NFATC1: variants seen among roughly 807,000 people sequenced by gnomAD.
NFATC1 encodes nuclear factor of activated T cells 1.
Under a neutral mutation model 76.0 loss-of-function variants are expected in NFATC1, and 22 were observed. The observed-to-expected ratio is 0.29, with a 90% CI of 0.21 to 0.41. NFATC1 has a LOEUF of 0.41. Among genes scored for constraint, NFATC1 ranks in the 10% least tolerant of loss-of-function variants. The pLI is 1.00. For synonymous variants in NFATC1, 704 were observed against 613.1 expected, an observed-to-expected ratio of 1.15 and a Z score of -2.19; for missense variants, 1,357 against 1,337.7, an observed-to-expected ratio of 1.01 and a Z score of -0.23.
chr18:79,511,078 T>C (rs1344570805), intron 9 of NFATC1, among the ~76,000 whole-genome samples: 1 of 152,180 alleles, frequency 6.6e-6, no homozygotes, highest in Non-Finnish European at 1.5e-5. Flanking sequence ...GCTGATTCGA[T>C]TTAGAGCTAA....
Position 79,449,059 on chromosome 18 carries a change from G to A in NFATC1, c.1589+75G>A, listed in dbSNP as rs974508201. 5 of 1,484,562 alleles carry A rather than the reference G, an allele frequency of 3.4e-6. No individual in the cohort carries two copies. The Admixed American group carries it at 7.8e-5, about 23-fold the overall frequency. 92.0% of individuals were successfully genotyped at this position (1,484,562 alleles called of 1,614,324 possible). Reference sequence around the variant, plus strand: ...CGTGCCTCCCTCCCAGTCCCGGGGGGTCTGGCCAGCCCCCCGCACTTCCAG... The same window carrying A: ...CGTGCCTCCCTCCCAGTCCCGGGGGATCTGGCCAGCCCCCCGCACTTCCAG... On this transcript the variant is annotated intron_variant, in intron 4 of 9. Coordinates refer to ENST00000427363, the MANE Select transcript of NFATC1 (RefSeq NM_001278669.2).
chr18:79,475,298 CGTT>C (rs200838058), intron 8 of NFATC1, among the ~76,000 whole-genome samples: 3 of 149,348 alleles, frequency 2.0e-5, no homozygotes, highest in East Asian at 2.0e-4. Flanking sequence ...TCACTGTCAA[CGTT>C]GTAAACCTGA....
rs531281460 is a variant in NFATC1, at chr18:79,450,608, G to A, written c.1590-346G>A. ...ATACGTGGCCAGCGTGGGCCCTGGA[G>A]GCAGCCAGGACTTGGGACAGCTCCG... On this transcript the variant is annotated intron_variant, in intron 4 of 9. Coordinates refer to ENST00000427363, the MANE Select transcript of NFATC1 (RefSeq NM_001278669.2). 1.4e-4 allele frequency among the ~76,000 whole-genome samples: 22 copies of A among 152,296 alleles called. No individual in the cohort carries two copies. The South Asian group carries it at 4.6e-3, about 32-fold the overall frequency.
Position 79,524,197 on chromosome 18 carries a change from C to G in NFATC1, c.2783-3331C>G, listed in dbSNP as rs1420196936. ...TGGGGGGGCGGTCCTGTCTTTCAGC[C>G]CAGCGCCAGCGAGCCACATGGCCTC... is the stretch of plus-strand genomic sequence containing the variant. On this transcript the variant is annotated intron_variant, in intron 9 of 9. Transcript: ENST00000427363. The surrounding 1 kb of genome is among the most constrained non-coding windows in gnomAD (Gnocchi z 7.2). 1.3e-5 allele frequency among the ~76,000 whole-genome samples: 2 copies of G among 152,150 alleles called. No individual in the cohort carries two copies. The highest frequency in any genetic ancestry group is 2.9e-5 in the Non-Finnish European group (2 of 68,028).
Position 79,410,559 on chromosome 18 carries a change from G to C in NFATC1, c.284G>C (p.Gly95Ala). The C allele has an allele frequency of 6.2e-7, 1 of 1,611,606 alleles. No homozygotes were observed. The highest frequency in any genetic ancestry group is 8.5e-7 in the Non-Finnish European group (1 of 1,179,984). ...TCGGGGTACGGAGCAGCTTTGGACG[G>C]TGGGCCCGCGGGCTACTTCCTCTCC... ...HPSGYGAALD[G>A]GPAGYFLSSG... is the part of the protein sequence containing the mutation. Residue 95 changes from glycine to alanine, a missense_variant, in exon 2 of 10, where the codon GGT becomes GCT. Gly to Ala is a moderately conservative substitution (Grantham distance 60). This residue lies in a region of NFATC1 where 691 missense variants were observed against 613.1 expected (regional missense o/e 1.13). Coordinates refer to ENST00000427363, the MANE Select transcript of NFATC1 (RefSeq NM_001278669.2). The surrounding 1 kb of genome is among the most constrained non-coding windows in gnomAD (Gnocchi z 6.7).
chr18:79,452,953 G>C (rs960476298), intron 6 of NFATC1, among the ~76,000 whole-genome samples: 1 of 152,238 alleles, frequency 6.6e-6, no homozygotes, highest in African/African-American at 2.4e-5. Context: ...CAGTTTGCCG[G>C]AAACTTAAGT....
intron 9 of NFATC1, among the ~76,000 whole-genome samples, chr18:79,492,303 G>A (rs1236898044): frequency 1.3e-5 from 2 of 152,256 alleles, no homozygotes; most frequent in South Asian, 2.1e-4. Context: ...AATGAGGCTG[G>A]GCACGGTGGC....
At chr18:79,421,956 T>G (rs968827592) in intron 2 of NFATC1, 1 of 152,272 alleles carries the variant, frequency 6.6e-6, no homozygotes, top group African/African-American at 2.4e-5. Flanking sequence ...TTTGGCAACA[T>G]CCAGGACAGG....
rs767725943 is a variant in NFATC1, at chr18:79,410,724, G to A, written c.449G>A (p.Arg150Gln). ...GAAGACGTCCTCCCTAGCTCCAAACGGTCCCCCTCCACGGCCACGCTGAGT... is the reference window on the plus strand; with the variant it reads ...GAAGACGTCCTCCCTAGCTCCAAACAGTCCCCCTCCACGGCCACGCTGAGT... ...EVEDVLPSSK[R>Q]SPSTATLSLP... Residue 150 changes from arginine (R) to glutamine (Q), a missense_variant, in exon 2 of 10, where the codon CGG becomes CAG. Physicochemically the swap from Arg to Gln is conservative, Grantham distance 43 (BLOSUM62 1). This residue lies in a region of NFATC1 where 691 missense variants were observed against 613.1 expected (regional missense o/e 1.13). Transcript: ENST00000427363. The surrounding 1 kb of genome is among the most constrained non-coding windows in gnomAD (Gnocchi z 6.7). The A allele has an allele frequency of 5.0e-6, 8 of 1,612,988 alleles. No individual in the cohort carries two copies. The highest frequency in any genetic ancestry group is 4.5e-5 in the East Asian group (2 of 44,866).
At chr18:79,499,828 A>G (rs1002009134) in intron 9 of NFATC1, among the ~76,000 whole-genome samples, 1 of 152,316 alleles carries the variant, frequency 6.6e-6, no homozygotes, top group East Asian at 1.9e-4. Flanking sequence ...GAGTAGCTAC[A>G]CTAATATCAG....
chr18:79,503,040 T>G lies in NFATC1; in HGVS notation c.2782+16103T>G, dbSNP rs2090046568. Among the ~76,000 whole-genome samples, 3 of 152,230 alleles carry G rather than the reference T, an allele frequency of 2.0e-5. No homozygotes were observed. The South Asian group carries it at 6.2e-4, about 31-fold the overall frequency. ...TACATGACTGTCCTTCACAGCGTTC[T>G]TTAGCCAAACATCTGAAACAACCAC... On this transcript the variant is annotated intron_variant, in intron 9 of 9. Coordinates refer to ENST00000427363, the MANE Select transcript of NFATC1 (RefSeq NM_001278669.2).
chr18:79,400,511 G>T, intron 1 of NFATC1: 1 of 1,389,500 alleles, frequency 7.2e-7, no homozygotes, highest in African/African-American at 1.5e-5. Context: ...CGGGGGGCGC[G>T]GGGCCAGGTC....
chr18:79,494,340 C>T (rs1179982746), intron 9 of NFATC1, among the ~76,000 whole-genome samples: 3 of 128,848 alleles, frequency 2.3e-5, no homozygotes, highest in South Asian at 5.3e-4. Context: ...CGGGGGAAGG[C>T]GAGAGCGGGC....
chr18:79,411,711 G>A (rs962032117), intron 2 of NFATC1, among the ~76,000 whole-genome samples: 4 of 152,162 alleles, frequency 2.6e-5, no homozygotes, highest in African/African-American at 7.2e-5. Flanking sequence ...TGTGCGCCTC[G>A]CCTCTGCCTC....
Position 79,486,720 on chromosome 18 carries a change from C to T in NFATC1, c.2565C>T (p.Thr855=). The T allele has an allele frequency of 1.9e-6, 3 of 1,598,460 alleles. No individual in the cohort carries two copies. The highest frequency in any genetic ancestry group is 1.7e-5 in the Admixed American group (1 of 58,882). The stretch of plus-strand genomic sequence containing the variant: ...CCTCTCCTCCACTCCCGCCTGCCAC[C>T]CAAGAGCCGACCTGCCTGCAGCCCT... The part of the protein sequence containing the change: ...SSPSPPLPPA[T]QEPTCLQPCS... The change falls in exon 9 of 10, where the codon ACC becomes ACT. Residue 855 remains threonine, a synonymous_variant. Transcript: ENST00000427363.
chr18:79,485,294 T>G (rs1167223283), intron 8 of NFATC1, among the ~76,000 whole-genome samples: 1 of 152,232 alleles, frequency 6.6e-6, no homozygotes, highest in African/African-American at 2.4e-5. Flanking sequence ...GCACCACGCG[T>G]CTGTTAGGAA....
intron 9 of NFATC1, among the ~76,000 whole-genome samples, chr18:79,521,167 A>G (rs1332888888): frequency 1.4e-5 from 1 of 69,918 alleles, no homozygotes; most frequent in Non-Finnish European, 2.6e-5. Flanking sequence ...GGGAGCATCC[A>G]CTGATGTGTG....
chr18:79,449,106 T>C (rs1453640917), intron 4 of NFATC1, 122 bp downstream of exon 4: 2 of 899,632 alleles, frequency 2.2e-6, no homozygotes, highest in Non-Finnish European at 3.3e-6. Context: ...AGGACACTTT[T>C]GGTTTAACAG....
chr18:79,440,462 G>A (rs1035767882), intron 3 of NFATC1, among the ~76,000 whole-genome samples: 3 of 152,240 alleles, frequency 2.0e-5, no homozygotes, highest in Admixed American at 2.0e-4. Flanking sequence ...GTGGGGAGGC[G>A]GCGCCCTGGC....
Sources: allele counts gnomAD v4.1 joint callset (sites outside exome capture counted in the v4.1 genomes callset), GRCh38; gene constraint gnomAD v4.1.1; regional missense constraint gnomAD v4.1.1; non-coding constraint Gnocchi (gnomAD v3.1); transcripts MANE v1.5; gene names NCBI Gene and HGNC (gene_info 2026-07-23, HGNC 2026-07-21).